The following TMEM132B variants were observed in gnomAD, a reference collection of about 807,000 sequenced individuals.
TMEM132B encodes the protein transmembrane protein 132B.
In TMEM132B, 18 loss-of-function variants were observed where a neutral mutation model predicts 90.8. The observed-to-expected ratio is 0.20, with a 90% CI of 0.14 to 0.29. The LOEUF (loss-of-function observed/expected upper bound fraction) is 0.29. TMEM132B is among the 10% of genes least tolerant of loss of function. The pLI is 1.00. For synonymous variants in TMEM132B, 504 were observed against 523.3 expected, an observed-to-expected ratio of 0.96 and a Z score of 0.50; for missense variants, 1,096 against 1,326.8, an observed-to-expected ratio of 0.83 and a Z score of 2.70.
chr12:125,654,185 G>T lies in TMEM132B; in HGVS notation c.2727G>T (p.Leu909Phe). 1 of 1,614,212 alleles carries T rather than the reference G, an allele frequency of 6.2e-7. No homozygotes were observed. Among genetic ancestry groups the T allele is most frequent in the Non-Finnish European group, 8.5e-7 (1 of 1,180,044 alleles). Residue 909 changes from leucine (L) to phenylalanine (F), a missense_variant, in exon 9 of 9, where the codon TTG becomes TTT. Physicochemically the swap from Leu to Phe is conservative, Grantham distance 22 (BLOSUM62 0). Transcript: ENST00000682704. This position sits in a 1 kb window ranked among gnomAD's most constrained non-coding sequence, Gnocchi z 5.8. ...LTDLEIGMYA[L>F]LCVFCLAILV... Reference sequence around the variant, plus strand: ...ACTTGGAGATTGGCATGTATGCCTTGCTCTGCGTCTTCTGTCTGGCCATTC... The same window carrying T: ...ACTTGGAGATTGGCATGTATGCCTTTCTCTGCGTCTTCTGTCTGGCCATTC...
chr12:125,494,366 C>T (rs1186482375), intron 3 of TMEM132B, among the ~76,000 whole-genome samples: 1 of 139,778 alleles, frequency 7.2e-6, no homozygotes, highest in African/African-American at 2.7e-5. Flanking sequence ...CCCCTCCTCC[C>T]TGGAAATGGG....
At chr12:125,502,067 C>A (rs1178666491) in intron 3 of TMEM132B, among the ~76,000 whole-genome samples, 2 of 152,112 alleles carry the variant, frequency 1.3e-5, no homozygotes, top group African/African-American at 2.4e-5. Flanking sequence ...TGTGTAGGAC[C>A]TGTGTGGTTG....
rs1471487520 is a variant in TMEM132B, at chr12:125,490,665, A to C, written c.1107-28774A>C. Among the ~76,000 whole-genome samples the C allele has an allele frequency of 2.0e-5, 3 of 151,924 alleles. No homozygotes were observed. Among genetic ancestry groups the C allele is most frequent in the Non-Finnish European group, 2.9e-5 (2 of 67,988 alleles). On this transcript the variant is annotated intron_variant, in intron 3 of 8. Coordinates refer to ENST00000682704, the MANE Select transcript of TMEM132B (RefSeq NM_001366854.1). The surrounding 1 kb of genome is among the most constrained non-coding windows in gnomAD (Gnocchi z 4.2). Reference sequence around the variant, plus strand: ...GTGTTTTTAGTAGAGATGGGGTTTCACTGTGTTAGCTAGGATGGTCTCGAT... The same window carrying C: ...GTGTTTTTAGTAGAGATGGGGTTTCCCTGTGTTAGCTAGGATGGTCTCGAT...
chr12:125,267,462 G>A (rs1324659670), intron 1 of TMEM132B, among the ~76,000 whole-genome samples: 2 of 152,232 alleles, frequency 1.3e-5, no homozygotes, highest in Non-Finnish European at 1.5e-5. Context: ...GACCTTGTGT[G>A]TTGGGGGGTT....
chr12:125,567,124 A>G (rs1884678252), intron 4 of TMEM132B, among the ~76,000 whole-genome samples: 1 of 152,112 alleles, frequency 6.6e-6, no homozygotes. Context: ...GATTACAGGC[A>G]TGAGCTACTG....
chr12:125,374,001 G>A (rs1172783645), intron 2 of TMEM132B, among the ~76,000 whole-genome samples: 1 of 152,180 alleles, frequency 6.6e-6, no homozygotes, highest in Non-Finnish European at 1.5e-5. Context: ...TGCCATGTTA[G>A]CCAGACTGGT....
intron 1 of TMEM132B, among the ~76,000 whole-genome samples, chr12:125,214,374 C>G (rs993063006): frequency 2.6e-5 from 4 of 152,184 alleles, no homozygotes; most frequent in African/African-American, 4.8e-5. Context: ...GACCTCATAT[C>G]CCACCAGCTG....
intron 1 of TMEM132B, among the ~76,000 whole-genome samples, chr12:125,342,306 A>G (rs1033588208): frequency 3.9e-5 from 6 of 152,216 alleles, no homozygotes; most frequent in Non-Finnish European, 7.3e-5. Flanking sequence ...AGTGCAATTC[A>G]TAGAGCCAGT....
At chr12:125,537,574 C>G (rs748685957) in intron 4 of TMEM132B, among the ~76,000 whole-genome samples, 8 of 152,110 alleles carry the variant, frequency 5.3e-5, no homozygotes, top group Admixed American at 5.2e-4. Flanking sequence ...GACGTGTGTT[C>G]GAGAGATATT....
At chr12:125,432,534 G>T (rs67569721) in intron 3 of TMEM132B, among the ~76,000 whole-genome samples, 4,980 of 39,616 alleles carry the variant, frequency 0.13, 1,259 homozygotes, top group Non-Finnish European at 0.15. Context: ...TATATAGAGA[G>T]AGAGAGAGAG....
chr12:125,535,056 G>A (rs1370187802), intron 4 of TMEM132B, among the ~76,000 whole-genome samples: 4 of 152,010 alleles, frequency 2.6e-5, no homozygotes, highest in Non-Finnish European at 5.9e-5. Context: ...CTTCTGCCTA[G>A]GTATTTATTA....
intron 3 of TMEM132B, among the ~76,000 whole-genome samples, chr12:125,468,403 A>C (rs1000954580): frequency 7.9e-5 from 12 of 152,234 alleles, no homozygotes; most frequent in Non-Finnish European, 1.5e-5. Context: ...GGATGAACAG[A>C]TTTTGACGTG....
intron 5 of TMEM132B, among the ~76,000 whole-genome samples, chr12:125,619,338 T>A (rs1054120808): frequency 0.11 from 36 of 338 alleles, no homozygotes; most frequent in Admixed American, 0.35. Flanking sequence ...TTATATTTAT[T>A]TATTTATTTA....
intron 1 of TMEM132B, among the ~76,000 whole-genome samples, chr12:125,303,104 A>T (rs1438157403): frequency 6.6e-6 from 1 of 152,140 alleles, no homozygotes; most frequent in African/African-American, 2.4e-5. Flanking sequence ...TATTAAAAAA[A>T]AAACAGAAGG....
At chr12:125,372,860 T>C (rs1878339087) in intron 2 of TMEM132B, among the ~76,000 whole-genome samples, 2 of 152,140 alleles carry the variant, frequency 1.3e-5, no homozygotes, top group African/African-American at 4.8e-5. Flanking sequence ...TTTTCTAGGC[T>C]CCTGGAACCC....
chr12:125,650,863 C>G lies in TMEM132B; in HGVS notation c.1824C>G (p.Thr608=). The stretch of plus-strand genomic sequence containing the variant: ...AGTTTGACATCACTGACCTTGTGAC[C>G]GAGTTCATGAAGGTGGAGGAGCCGA... ...DWQFDITDLV[T]EFMKVEEPKI... Residue 608 remains threonine (T), a synonymous_variant, in exon 7 of 9, where the codon ACC becomes ACG. Coordinates refer to ENST00000682704, the MANE Select transcript of TMEM132B (RefSeq NM_001366854.1). The G allele has an allele frequency of 6.2e-7, 1 of 1,614,060 alleles. No homozygotes were observed. The highest frequency in any genetic ancestry group is 8.5e-7 in the Non-Finnish European group (1 of 1,180,038).
intron 5 of TMEM132B, among the ~76,000 whole-genome samples, chr12:125,597,634 A>G (rs1040881507): frequency 2.0e-5 from 3 of 152,324 alleles, no homozygotes; most frequent in South Asian, 2.1e-4. Context: ...AAATCACTCA[A>G]TGAGAGCTCT....
intron 4 of TMEM132B, among the ~76,000 whole-genome samples, chr12:125,580,853 A>G (rs1412796113): frequency 1.3e-5 from 2 of 152,222 alleles, no homozygotes; most frequent in Non-Finnish European, 2.9e-5. Flanking sequence ...TAGAACTCAC[A>G]CAAATAAGAG....
chr12:125,566,441 G>A (rs991494746), intron 4 of TMEM132B, among the ~76,000 whole-genome samples: 10 of 152,264 alleles, frequency 6.6e-5, no homozygotes, highest in Admixed American at 5.9e-4. Context: ...AATGTTTTCT[G>A]ATTTTTGTTG....
Sources: allele counts gnomAD v4.1 joint callset (sites outside exome capture counted in the v4.1 genomes callset), GRCh38; gene constraint gnomAD v4.1.1; non-coding constraint Gnocchi (gnomAD v3.1); transcripts MANE v1.5; gene names NCBI Gene and HGNC (gene_info 2026-07-23, HGNC 2026-07-21).